The following HIF3A variants were observed in gnomAD, a reference collection of about 807,000 sequenced individuals.
HIF3A encodes hypoxia inducible factor 3 subunit alpha, also known as hypoxia-inducible factor 3-alpha.
In HIF3A, 41 loss-of-function variants were observed where a neutral mutation model predicts 67.2. The observed-to-expected ratio is 0.61, with a 90% CI of 0.48 to 0.79. The LOEUF is 0.79. HIF3A is among the 30% of genes least tolerant of loss of function. The pLI is 0.00. For missense variants in HIF3A, 855 were observed against 898.0 expected (o/e 0.95, Z 0.61); for synonymous variants, 356 against 374.8 (o/e 0.95, Z 0.58).
chr19:46,312,764 A>ATAAG (rs2147179164), intron 8 of HIF3A, 111 bp downstream of exon 8: 2 of 1,471,024 alleles, frequency 1.4e-6, no homozygotes, highest in East Asian at 4.7e-5. Context: ...TGTATCATGC[A>ATAAG]TAAGTGTATG....
At chr19:46,303,605 G>A (rs1301116877) in intron 1 of HIF3A, 1 of 1,558,094 alleles carries the variant, frequency 6.4e-7, no homozygotes, top group Non-Finnish European at 8.7e-7. Context: ...CTGCAGATAA[G>A]TCAGGGAGGG....
At chr19:46,320,587 G>C (rs775539957) in intron 9 of HIF3A, 26 bp downstream of exon 9, 1 of 1,576,770 alleles carries the variant, frequency 6.3e-7, no homozygotes, top group Non-Finnish European at 8.7e-7. Flanking sequence ...GGGGCCGGGA[G>C]GGGTTGTGTC....
intron 14 of HIF3A, among the ~76,000 whole-genome samples, chr19:46,337,474 G>A (rs1396223196): frequency 1.3e-5 from 2 of 152,270 alleles, no homozygotes; most frequent in Middle Eastern, 3.4e-3. Flanking sequence ...TTGCTATGTT[G>A]CTCAGGCTGG....
At chr19:46,325,014 T>TGTGTGTGTGTGA (rs1467491987) in intron 10 of HIF3A, among the ~76,000 whole-genome samples, 3 of 144,728 alleles carry the variant, frequency 2.1e-5, no homozygotes, top group African/African-American at 7.6e-5. Context: ...TGTGTGTGTG[T>TGTGTGTGTGTGA]GAGACAGAGT....
At chr19:46,323,802 G>A (rs1326747659) in intron 10 of HIF3A, among the ~76,000 whole-genome samples, 3 of 152,112 alleles carry the variant, frequency 2.0e-5, no homozygotes, top group African/African-American at 4.8e-5. Context: ...AAAACCAAGC[G>A]AAAGGGGTTT....
In HIF3A at chr19:46,320,441, A is replaced by C. The variant is rs1970272226; in HGVS notation, c.1026-2A>C. The C allele has an allele frequency of 6.2e-7, 1 of 1,612,854 alleles. No homozygotes were observed. The highest frequency in any genetic ancestry group is 8.5e-7 in the Non-Finnish European group (1 of 1,178,864). On this transcript the variant is annotated splice_acceptor_variant, in intron 8 of 14. Transcript: ENST00000377670. LOFTEE classifies it high-confidence loss of function. ...CACCTCCCTTTCTGCCTTGTACCCC[A>C]GCCAGGTGGAAGAGACCGGAGTGGT...
At chr19:46,336,964 G>T (rs1410106660) in intron 14 of HIF3A, among the ~76,000 whole-genome samples, 2 of 152,064 alleles carry the variant, frequency 1.3e-5, no homozygotes, top group Non-Finnish European at 2.9e-5. Context: ...TGCAGCCTGG[G>T]CAACACAGCA....
At chr19:46,325,809 T>C (rs559337999) in intron 11 of HIF3A, among the ~76,000 whole-genome samples, 170 bp downstream of exon 11, 48 of 152,328 alleles carry the variant, frequency 3.2e-4, no homozygotes, top group Non-Finnish European at 3.4e-4. Context: ...TTTAGGCAGA[T>C]ATTTTAATGG....
intron 8 of HIF3A, among the ~76,000 whole-genome samples, chr19:46,314,265 C>T (rs2311056): frequency 0.65 from 92,181 of 142,710 alleles, 33,718 homozygotes; most frequent in Non-Finnish European, 0.76. Flanking sequence ...GTAATCCCAG[C>T]ACTTTGGGAA....
chr19:46,320,186 C>T (rs1235533014), intron 8 of HIF3A: 24 of 339,372 alleles, frequency 7.1e-5, no homozygotes, highest in African/African-American at 3.9e-4. Context: ...GCCGAGATCG[C>T]GCCACTGCAC....
chr19:46,305,215 A>G lies in HIF3A; in HGVS notation c.218-30A>G. 4 of 1,613,458 alleles carry G rather than the reference A, an allele frequency of 2.5e-6. No homozygotes were observed. The South Asian group carries it at 4.4e-5, about 18-fold the overall frequency. ...TAATTCAGACCATAACTGACTAGAG[A>G]TGCCCCCATCCCCCTGCCCCGGGCA... On this transcript the variant is annotated intron_variant, in intron 2 of 14. Coordinates refer to ENST00000377670, the MANE Select transcript of HIF3A (RefSeq NM_152795.4).
intron 1 of HIF3A, among the ~76,000 whole-genome samples, chr19:46,298,745 C>T (rs1200468726): frequency 6.6e-6 from 1 of 152,160 alleles, no homozygotes; most frequent in African/African-American, 2.4e-5. Flanking sequence ...AGAGACTCCC[C>T]CAGACCCCCA....
rs747751554 is a variant in HIF3A at position 46,321,919 on chromosome 19, A to G, written c.1288A>G (p.Thr430Ala). Residue 430 changes from threonine (T) to alanine (A), a missense_variant, in exon 10 of 15, where the codon ACT becomes GCT. This residue lies in a region of HIF3A where 638 missense variants were observed against 660.5 expected (regional missense o/e 0.97). Transcript: ENST00000377670. Reference protein sequence around the residue: ...PILDGASVAATPSTPLATRHP... With the variant: ...PILDGASVAAAPSTPLATRHP... Reference sequence around the variant, plus strand: ...CCTGGATGGGGCTTCAGTAGCAGCCACTCCCAGCACCCCGCTGGCCACACG... The same window carrying G: ...CCTGGATGGGGCTTCAGTAGCAGCCGCTCCCAGCACCCCGCTGGCCACACG... 2 of 1,613,656 alleles carry G rather than the reference A, an allele frequency of 1.2e-6. No homozygotes were observed. The highest frequency in any genetic ancestry group is 2.2e-5 in the South Asian group (2 of 91,056).
intron 10 of HIF3A, among the ~76,000 whole-genome samples, chr19:46,325,239 C>T (rs1009737824): frequency 6.6e-6 from 1 of 151,930 alleles, no homozygotes; most frequent in South Asian, 2.1e-4. Flanking sequence ...TCAAGTGATC[C>T]ACCCACCTTG....
chr19:46,321,508 C>T (rs983595506), intron 9 of HIF3A, among the ~76,000 whole-genome samples: 3 of 152,164 alleles, frequency 2.0e-5, no homozygotes, highest in Non-Finnish European at 4.4e-5. Context: ...TGCTCGAACC[C>T]AGGAGGCAGA....
intron 13 of HIF3A, among the ~76,000 whole-genome samples, chr19:46,333,729 T>A (rs147223633): frequency 2.0e-5 from 3 of 151,972 alleles, no homozygotes; most frequent in East Asian, 1.9e-4. Flanking sequence ...GGATATATAT[T>A]TTTTTCCTTC....
chr19:46,298,295 G>A (rs2147095453), intron 1 of HIF3A: 1 of 784,458 alleles, frequency 1.3e-6, no homozygotes, highest in African/African-American at 1.8e-5. Flanking sequence ...TTTTGGGCCA[G>A]CTGTCGTTCC....
At chr19:46,338,864 C>T (rs991886238) in intron 14 of HIF3A, among the ~76,000 whole-genome samples, 22 of 152,164 alleles carry the variant, frequency 1.4e-4, no homozygotes, top group African/African-American at 5.1e-4. Flanking sequence ...GCAGAACGTG[C>T]CCAAGACGTC....
chr19:46,303,763 A>T, intron 1 of HIF3A, 135 bp from the exon 2 acceptor site: 1 of 1,497,320 alleles, frequency 6.7e-7, no homozygotes, highest in Non-Finnish European at 9.1e-7. Context: ...CGACAGGGCC[A>T]CACATCGAGG....
Sources: gnomAD v4.1 joint callset for allele counts (sites outside exome capture counted in the v4.1 genomes callset) on GRCh38, gnomAD v4.1.1 for gene constraint, gnomAD v4.1.1 regional missense constraint, MANE v1.5 for transcripts, NCBI Gene and HGNC (gene_info 2026-07-23, HGNC 2026-07-21) for gene names.